The following MACROD2 variants were observed in gnomAD, a reference collection of about 807,000 sequenced individuals.
The protein encoded by MACROD2 is mono-ADP ribosylhydrolase 2.
A neutral mutation model predicts 70.4 loss-of-function variants in MACROD2; 36 were observed. The observed-to-expected ratio is 0.51, with a 90% CI of 0.39 to 0.68. The LOEUF (loss-of-function observed/expected upper bound fraction) is 0.68, where lower values mean the gene tolerates loss of function less well. Ranked by LOEUF, MACROD2 falls within the 30% of genes least tolerant of loss-of-function variation. The pLI, the probability that MACROD2 is intolerant of heterozygous loss-of-function variation, is 0.00. For synonymous variants in MACROD2, 172 were observed against 178.8 expected (o/e 0.96, Z 0.30); for missense variants, 496 against 538.4 (o/e 0.92, Z 0.78).
chr20:14,350,007 C>T (rs2083107209), intron 3 of MACROD2, among the ~76,000 whole-genome samples: 1 of 151,902 alleles, frequency 6.6e-6, no homozygotes, highest in South Asian at 2.1e-4. Context: ...CCTCAGCCTC[C>T]CAAAGTGCTG....
At chr20:14,637,271 C>T (rs1362083275) in intron 4 of MACROD2, among the ~76,000 whole-genome samples, 3 of 152,030 alleles carry the variant, frequency 2.0e-5, no homozygotes, top group East Asian at 1.9e-4. Context: ...GTGTCTCCAG[C>T]TTTAAGAAGA....
At chr20:14,000,924 C>T (rs992393900) in intron 1 of MACROD2, among the ~76,000 whole-genome samples, 1 of 152,178 alleles carries the variant, frequency 6.6e-6, no homozygotes, top group Non-Finnish European at 1.5e-5. Flanking sequence ...TCTTCTCATA[C>T]CATATCTTGC....
At chr20:15,049,286 A>G (rs1325641195) in intron 5 of MACROD2, among the ~76,000 whole-genome samples, 5 of 152,050 alleles carry the variant, frequency 3.3e-5, no homozygotes, top group Non-Finnish European at 5.9e-5. Context: ...AGGAAGGGAA[A>G]GAAAGAGGGA....
chr20:14,735,885 A>C (rs546298074), intron 5 of MACROD2, among the ~76,000 whole-genome samples: 7 of 152,186 alleles, frequency 4.6e-5, no homozygotes, highest in African/African-American at 1.7e-4. Context: ...TAAATAAATA[A>C]AGTGGTGTAG....
chr20:15,940,280 G>C (rs1231332007), intron 12 of MACROD2, among the ~76,000 whole-genome samples: 2 of 148,800 alleles, frequency 1.3e-5, no homozygotes, highest in East Asian at 4.0e-4. Context: ...TTTTTAAGTA[G>C]AGACGGGGTT....
intron 10 of MACROD2, among the ~76,000 whole-genome samples, chr20:15,887,680 G>A (rs545031364): frequency 7.8e-4 from 119 of 152,232 alleles, no homozygotes; most frequent in Non-Finnish European, 1.4e-3. Flanking sequence ...AACATAATGT[G>A]AGCCTCAAAT....
intron 9 of MACROD2, among the ~76,000 whole-genome samples, chr20:15,869,066 A>G (rs564898731): frequency 2.2e-4 from 33 of 151,888 alleles, no homozygotes; most frequent in Non-Finnish European, 5.9e-5. Flanking sequence ...CTTTGGGATT[A>G]TAGGTGTAAA....
At chr20:15,855,820 T>C (rs993067313) in intron 8 of MACROD2, among the ~76,000 whole-genome samples, 1 of 152,228 alleles carries the variant, frequency 6.6e-6, no homozygotes, top group Non-Finnish European at 1.5e-5. Flanking sequence ...TACAACATTA[T>C]GCTTGTGAGA....
chr20:14,463,520 C>T (rs1207038257), intron 3 of MACROD2, among the ~76,000 whole-genome samples: 1 of 152,022 alleles, frequency 6.6e-6, no homozygotes, highest in Non-Finnish European at 1.5e-5. Flanking sequence ...AATTGATTGC[C>T]CTTTATTTCC....
At chr20:15,202,111 C>T (rs989262958) in intron 5 of MACROD2, among the ~76,000 whole-genome samples, 18 of 152,184 alleles carry the variant, frequency 1.2e-4, no homozygotes, top group East Asian at 1.2e-3. Flanking sequence ...AAGGACCAGA[C>T]GAACCACTTA....
chr20:14,108,874 C>G (rs548785791), intron 3 of MACROD2, among the ~76,000 whole-genome samples: 6 of 151,990 alleles, frequency 3.9e-5, no homozygotes, highest in Admixed American at 3.9e-4. Context: ...GGAAAATCAA[C>G]AAAGAAACAC....
In MACROD2 at chr20:14,640,198, C is replaced by T. The variant is rs149160516; in HGVS notation, c.302-44645C>T. Among the ~76,000 whole-genome samples the T allele has an allele frequency of 3.0e-3, 458 of 152,228 alleles. 1 individual carries two copies. The highest frequency in any genetic ancestry group is 5.2e-3 in the Non-Finnish European group (351 of 68,008). ...ATTTTAACACATTAAATAACAACAGCTAACAACAGGTCAAAAAATCACTGC... is the reference window on the plus strand; with the variant it reads ...ATTTTAACACATTAAATAACAACAGTTAACAACAGGTCAAAAAATCACTGC... On this transcript the variant is annotated intron_variant, in intron 4 of 17. Coordinates refer to ENST00000684519, the MANE Select transcript of MACROD2 (RefSeq NM_001351661.2).
intron 5 of MACROD2, among the ~76,000 whole-genome samples, chr20:14,719,846 A>G (rs2071443596): frequency 6.6e-6 from 1 of 152,202 alleles, no homozygotes; most frequent in Admixed American, 6.5e-5. Flanking sequence ...TGTGTGCGCA[A>G]TCTTCAGCCA....
At chr20:15,749,381 A>G (rs986570012) in intron 8 of MACROD2, among the ~76,000 whole-genome samples, 3 of 152,032 alleles carry the variant, frequency 2.0e-5, no homozygotes, top group Non-Finnish European at 4.4e-5. Context: ...ATTTGAAATT[A>G]TATTTCTCTA....
intron 5 of MACROD2, among the ~76,000 whole-genome samples, chr20:14,780,748 A>G (rs2072290727): frequency 6.6e-6 from 1 of 152,076 alleles, no homozygotes; most frequent in East Asian, 1.9e-4. Context: ...GTATGAGATA[A>G]CAGAGAGGAA....
intron 4 of MACROD2, among the ~76,000 whole-genome samples, chr20:14,656,144 C>G (rs1600505290): frequency 6.6e-6 from 1 of 152,282 alleles, no homozygotes; most frequent in African/African-American, 2.4e-5. Flanking sequence ...CTCTTTTCTA[C>G]CAGGTGTCTT....
intron 2 of MACROD2, among the ~76,000 whole-genome samples, chr20:14,007,748 C>A (rs527398416): frequency 2.0e-5 from 3 of 152,230 alleles, no homozygotes; most frequent in Admixed American, 2.0e-4. Context: ...GTTATTGTTA[C>A]ACTTTTTGGA....
At chr20:15,532,869 G>C (rs1600546587) in intron 8 of MACROD2, among the ~76,000 whole-genome samples, 1 of 152,028 alleles carries the variant, frequency 6.6e-6, no homozygotes, top group Non-Finnish European at 1.5e-5. Context: ...GTCAATTAAA[G>C]GGTTTGAAAG....
chr20:14,217,185 A>G (rs181211095), intron 3 of MACROD2, among the ~76,000 whole-genome samples: 4 of 152,264 alleles, frequency 2.6e-5, no homozygotes, highest in East Asian at 1.9e-4. Flanking sequence ...TGTCCCTTGT[A>G]TGCCGATTTC....
Sources: gnomAD v4.1 joint callset for allele counts (sites outside exome capture counted in the v4.1 genomes callset) on GRCh38, gnomAD v4.1.1 for gene constraint, MANE v1.5 for transcripts, NCBI Gene and HGNC (gene_info 2026-07-23, HGNC 2026-07-21) for gene names.